SCAI: variants seen among roughly 807,000 people sequenced by gnomAD.
The protein encoded by SCAI is protein SCAI.
A neutral mutation model predicts 92.2 loss-of-function variants in SCAI; 24 were observed. The observed-to-expected ratio is 0.26, with a 90% CI of 0.19 to 0.37. The LOEUF is 0.37. Among genes scored for constraint, SCAI ranks in the 10% least tolerant of loss-of-function variants. The probability of loss-of-function intolerance (pLI) is 1.00; values close to 1 mark genes in which losing one functional copy is unlikely to be tolerated. For synonymous variants in SCAI, 261 were observed against 258.6 expected (o/e 1.01, Z -0.09); for missense variants, 450 against 736.2 (o/e 0.61, Z 4.50).
At chr9:124,956,627 C>G (rs894031417) in intron 17 of SCAI, among the ~76,000 whole-genome samples, 5 of 152,174 alleles carry the variant, frequency 3.3e-5, no homozygotes, top group Admixed American at 1.3e-4. Flanking sequence ...ATTCCTGATA[C>G]AAACTCTTAG....
At chr9:125,068,126 T>A (rs938868095) in intron 2 of SCAI, among the ~76,000 whole-genome samples, 2 of 152,192 alleles carry the variant, frequency 1.3e-5, no homozygotes, top group African/African-American at 4.8e-5. Flanking sequence ...AGTATTTCTG[T>A]TGCTAACACT....
intron 9 of SCAI, among the ~76,000 whole-genome samples, chr9:125,011,195 C>T (rs1387397598): frequency 1.3e-5 from 2 of 152,204 alleles, no homozygotes; most frequent in Non-Finnish European, 2.9e-5. Flanking sequence ...ATGACTTTGA[C>T]GAGTTGAGAG....
Position 125,099,951 on chromosome 9 carries a change from C to T in SCAI, c.98+42682G>A, listed in dbSNP as rs117117804. Among the ~76,000 whole-genome samples, 535 of 152,324 alleles carry T rather than the reference C, an allele frequency of 3.5e-3. 7 individuals carry two copies. The highest frequency in any genetic ancestry group is 0.022 in the Admixed American group (331 of 15,306). ...CTGTCCATCTATATCAATGGACATC[C>T]GGGTTGTGTGCACCTTTTGGCCATT... On this transcript the variant is annotated intron_variant, in intron 2 of 17. Transcript: ENST00000336505.
chr9:125,041,582 G>A (rs1190034072), intron 3 of SCAI, among the ~76,000 whole-genome samples: 1 of 152,180 alleles, frequency 6.6e-6, no homozygotes, highest in Non-Finnish European at 1.5e-5. Flanking sequence ...AGAACTAGAA[G>A]CCAGTGTTTT....
intron 3 of SCAI, among the ~76,000 whole-genome samples, chr9:125,035,246 C>G (rs1420946661): frequency 6.6e-6 from 1 of 151,962 alleles, no homozygotes; most frequent in Non-Finnish European, 1.5e-5. Context: ...GTCCCAGCTA[C>G]TCAGAGTCTG....
intron 3 of SCAI, among the ~76,000 whole-genome samples, chr9:125,042,856 G>GGGTTTT (rs1156904261): frequency 7.0e-5 from 9 of 127,936 alleles, no homozygotes; most frequent in Admixed American, 6.6e-4. Flanking sequence ...TCTGCTCCCT[G>GGGTTTT]GCTTTTTTTT....
intron 3 of SCAI, among the ~76,000 whole-genome samples, chr9:125,050,709 A>G (rs923289509): frequency 1.3e-5 from 2 of 152,016 alleles, no homozygotes; most frequent in Admixed American, 1.3e-4. Flanking sequence ...AGTTGCTGGG[A>G]CTAAAGGCAC....
At chr9:125,015,065 A>C (rs1473508065) in intron 9 of SCAI, among the ~76,000 whole-genome samples, 1 of 151,304 alleles carries the variant, frequency 6.6e-6, no homozygotes, top group African/African-American at 2.5e-5. Context: ...GTTAGATCTA[A>C]AACCATAAAA....
intron 9 of SCAI, among the ~76,000 whole-genome samples, chr9:125,015,509 C>T (rs957583460): frequency 1.1e-4 from 16 of 152,146 alleles, no homozygotes; most frequent in African/African-American, 3.6e-4. Flanking sequence ...GTTAGAATGG[C>T]AATCATTAAA....
chr9:125,060,587 G>T (rs1204358418), intron 2 of SCAI, among the ~76,000 whole-genome samples: 2 of 152,174 alleles, frequency 1.3e-5, no homozygotes, highest in Non-Finnish European at 2.9e-5. Context: ...GAACCACGGG[G>T]AGGTAATTGA....
chr9:125,104,603 TAAA>T (rs34277435), intron 2 of SCAI, among the ~76,000 whole-genome samples: 21 of 130,392 alleles, frequency 1.6e-4, no homozygotes, highest in Admixed American at 2.3e-4. Flanking sequence ...TGTTTTACTT[TAAA>T]AAAAAAAAAA....
chr9:125,143,476 G>A lies in SCAI; in HGVS notation c.-39C>T, dbSNP rs1435038840. On this transcript the variant is annotated 5_prime_UTR_variant, in exon 1 of 18. Coordinates refer to ENST00000336505, the MANE Select transcript of SCAI (RefSeq NM_001144877.3). Reference sequence around the variant, plus strand: ...CGCCGCGGGAGCTGCTCCGGCGGCCGCAGGGCTCGCTCGGGAAGCTGAGGC... The same window carrying A: ...CGCCGCGGGAGCTGCTCCGGCGGCCACAGGGCTCGCTCGGGAAGCTGAGGC... The A allele has an allele frequency of 2.3e-6, 3 of 1,327,750 alleles. No individual in the cohort carries two copies. The highest frequency in any genetic ancestry group is 3.9e-5 in the Admixed American group (1 of 25,966). 82.2% of individuals were successfully genotyped at this position (1,327,750 alleles called of 1,614,324 possible).
At chr9:125,074,488 C>A (rs1834047317) in intron 2 of SCAI, among the ~76,000 whole-genome samples, 1 of 149,262 alleles carries the variant, frequency 6.7e-6, no homozygotes. Context: ...GAACTCCTGA[C>A]CTCAAGTGAT....
chr9:125,121,662 C>T (rs1835157754), intron 2 of SCAI, among the ~76,000 whole-genome samples: 1 of 151,982 alleles, frequency 6.6e-6, no homozygotes, highest in African/African-American at 2.4e-5. Flanking sequence ...ACCAGCCTGG[C>T]CAACATGGTG....
At chr9:125,024,801 T>G (rs895960709) in intron 6 of SCAI, among the ~76,000 whole-genome samples, 1 of 152,174 alleles carries the variant, frequency 6.6e-6, no homozygotes, top group Admixed American at 6.5e-5. Context: ...TGCAACAGAA[T>G]TGGGGTGTGC....
At position 125,143,408 on chromosome 9, in the gene SCAI, C is replaced by A; in HGVS notation, c.30G>T (p.Gln10His). 7.2e-7 allele frequency: 1 copy of A among 1,397,852 alleles called. No individual in the cohort carries two copies. The allele number at this position is 1,397,852 out of a possible 1,614,324, so 86.6% of individuals were successfully genotyped here. ...ACCTGGGGGCCAGGCGACTCCGCGG[C>A]TGCTGGGGCTGCCGGGCTCCTCTGA... MVRGARQPQ[Q>H]PRSRLAPRLT... The change falls in exon 1 of 18, where the codon CAG (glutamine) becomes CAT (histidine). Residue 10 changes from glutamine to histidine, a missense_variant. Gln to His is a conservative substitution (Grantham distance 24). Transcript: ENST00000336505.
At chr9:125,060,134 C>T (rs543068748) in intron 2 of SCAI, among the ~76,000 whole-genome samples, 36 of 152,204 alleles carry the variant, frequency 2.4e-4, no homozygotes, top group African/African-American at 8.4e-4. Context: ...TAGACACACA[C>T]TGTCCAAAAG....
At position 125,028,478 on chromosome 9, in the gene SCAI, T is replaced by C. The variant is rs565658260; in HGVS notation, c.327A>G (p.Arg109=). ...AGCCATACCGATTATCCAAGACTTG[T>C]CTGTTTTATATAGGATACAAGAAAA... ...TKLWKFQQQH[R]QVLDNRYGLK... The change falls in exon 5 of 18, where the codon CGA becomes CGG. Residue 109 remains arginine (R), a splice_region_variant and synonymous_variant. Coordinates refer to ENST00000336505, the MANE Select transcript of SCAI (RefSeq NM_001144877.3). 7.7e-6 allele frequency: 12 copies of C among 1,562,228 alleles called. No homozygotes were observed. In the East Asian group the frequency reaches 2.1e-4, roughly 27 times the overall value.
chr9:124,991,435 A>G (rs1832121276), intron 14 of SCAI, among the ~76,000 whole-genome samples: 1 of 151,932 alleles, frequency 6.6e-6, no homozygotes, highest in African/African-American at 2.4e-5. Context: ...ATGAAGAAAC[A>G]TTTACAAAAC....
Sources: allele counts gnomAD v4.1 joint callset (sites outside exome capture counted in the v4.1 genomes callset), GRCh38; gene constraint gnomAD v4.1.1; transcripts MANE v1.5; gene names NCBI Gene and HGNC (gene_info 2026-07-23, HGNC 2026-07-21).